RNASE8: variants seen among roughly 807,000 people sequenced by gnomAD.
RNASE8 encodes the protein ribonuclease A family member 8, also known as ribonuclease 8.
For missense variants in RNASE8, 179 were observed against 187.9 expected (o/e 0.95, Z 0.28); for synonymous variants, 68 against 74.1 (o/e 0.92, Z 0.42).
rs990618659 is a variant in RNASE8 at position 21,058,298 on chromosome 14, C to T, written c.406C>T (p.Pro136Ser). ...NTPYIVACDP[P>S]QQGDPGYPLV... ...ACCTTACATAGTGGCCTGTGACCCT[C>T]CACAACAGGGTGACCCAGGGTACCC... Residue 136 changes from proline (P) to serine (S), a missense_variant, in exon 1 of 1, where the codon CCA becomes TCA. Pro to Ser is a moderately conservative substitution (Grantham distance 74). Coordinates refer to ENST00000308227, the MANE Select transcript of RNASE8 (RefSeq NM_138331.2). The T allele has an allele frequency of 6.2e-7, 1 of 1,614,064 alleles. No homozygotes were observed.
Position 21,058,420 on chromosome 14 carries a change from C to T in RNASE8, c.*63C>T. 2 of 1,219,356 alleles carry T rather than the reference C, an allele frequency of 1.6e-6. No individual in the cohort carries two copies. The highest frequency in any genetic ancestry group is 1.2e-6 in the Non-Finnish European group (1 of 859,636). 75.5% of individuals were successfully genotyped at this position (1,219,356 alleles called of 1,614,324 possible). A position where few individuals can be genotyped will look rare whatever the true frequency, so the allele number is the denominator to read the frequency against. ...TGTATGCTGCTGCTTTTCCTCCCTC[C>T]AGTTCGTTATTAATCCTTGCTCCCC... On this transcript the variant is annotated 3_prime_UTR_variant, in exon 1 of 1. Coordinates refer to ENST00000308227, the MANE Select transcript of RNASE8 (RefSeq NM_138331.2).
Position 21,057,977 on chromosome 14 carries a change from C to A in RNASE8, c.85C>A (p.Pro29Thr), listed in dbSNP as rs1566506665. ...GGCAGAGGTCCTAGTCAGAGCCAAGCCCAAGGACATGACATCATCTCAGTG... is the reference window on the plus strand; with the variant it reads ...GGCAGAGGTCCTAGTCAGAGCCAAGACCAAGGACATGACATCATCTCAGTG... ...WVAEVLVRAK[P>T]KDMTSSQWFK... is the part of the protein sequence containing the mutation. The change falls in exon 1 of 1, where the codon CCC (proline) becomes ACC (threonine). Residue 29 changes from proline (P) to threonine (T), a missense_variant. Transcript: ENST00000308227. 6.2e-7 allele frequency: 1 copy of A among 1,614,048 alleles called. No homozygotes were observed. The highest frequency in any genetic ancestry group is 8.5e-7 in the Non-Finnish European group (1 of 1,180,008).
In RNASE8 at chr14:21,057,890, G is replaced by C. The variant is rs772638294; in HGVS notation, c.-3G>C. The C allele has an allele frequency of 9.9e-6, 16 of 1,613,190 alleles. No homozygotes were observed. Among genetic ancestry groups the C allele is most frequent in the African/African-American group, 2.7e-5 (2 of 74,972 alleles). On this transcript the variant is annotated 5_prime_UTR_variant, in exon 1 of 1. Coordinates refer to ENST00000308227, the MANE Select transcript of RNASE8 (RefSeq NM_138331.2). ...CTCTGTTCCACTGTCTCCCTTAAGA[G>C]AGATGGCACCGGCCAGAGCAGGATG...
Position 21,058,256 on chromosome 14 carries a change from G to A in RNASE8, c.364G>A (p.Glu122Lys), listed in dbSNP as rs140610133. The A allele has an allele frequency of 1.7e-4, 279 of 1,614,150 alleles. No individual in the cohort carries two copies. In the East Asian group the frequency reaches 3.0e-3, roughly 17 times the overall value. The change falls in exon 1 of 1, where the codon GAG becomes AAG. Residue 122 changes from glutamate to lysine, a missense_variant. Coordinates refer to ENST00000308227, the MANE Select transcript of RNASE8 (RefSeq NM_138331.2). ...GAAGTACCCAAACTGCAGGTACAAAGAGAAGCACCTGAACACACCTTACAT... is the reference window on the plus strand; with the variant it reads ...GAAGTACCCAAACTGCAGGTACAAAAAGAAGCACCTGAACACACCTTACAT... ...SGKYPNCRYKEKHLNTPYIVA... is the reference protein window; with the variant it reads ...SGKYPNCRYKKKHLNTPYIVA...
Position 21,058,174 on chromosome 14 carries a change from A to G in RNASE8, c.282A>G (p.Lys94=), listed in dbSNP as rs1885767989. The change falls in exon 1 of 1, where the codon AAA becomes AAG. Residue 94 remains lysine (K), a synonymous_variant. Coordinates refer to ENST00000308227, the MANE Select transcript of RNASE8 (RefSeq NM_138331.2). ...TPNIACKNSC[K]NCHQSHGPMS... is the part of the protein sequence containing the mutation. ...ACATAGCCTGCAAGAATAGCTGTAAAAACTGCCACCAGAGCCACGGGCCCA... is the reference window on the plus strand; with the variant it reads ...ACATAGCCTGCAAGAATAGCTGTAAGAACTGCCACCAGAGCCACGGGCCCA... 1 of 1,613,972 alleles carries G rather than the reference A, an allele frequency of 6.2e-7. No homozygotes were observed. The highest frequency in any genetic ancestry group is 1.1e-5 in the South Asian group (1 of 91,074).
At position 21,058,437 on chromosome 14, in the gene RNASE8, T is replaced by C; in HGVS notation, c.*80T>C. 9.6e-7 allele frequency: 1 copy of C among 1,038,658 alleles called. No individual in the cohort carries two copies. The highest frequency in any genetic ancestry group is 1.5e-5 in the South Asian group (1 of 64,572). 64.3% of individuals were successfully genotyped at this position (1,038,658 alleles called of 1,614,324 possible). On this transcript the variant is annotated 3_prime_UTR_variant, in exon 1 of 1. Coordinates refer to ENST00000308227, the MANE Select transcript of RNASE8 (RefSeq NM_138331.2). ...CCTCCCTCCAGTTCGTTATTAATCC[T>C]TGCTCCCCACTGCAAATGCCATTTC...
the RNASE8 span, chr14:21,057,981 AG>A: frequency 2.1e-5 from 34 of 1,613,966 alleles, no homozygotes; most frequent in East Asian, 7.4e-4. Context: ...GCCAAGCCCA[AG>A]GACATGACAT....
rs1329726505 is a variant in RNASE8, at chr14:21,057,998, C to G, written c.106C>G (p.Gln36Glu). The change falls in exon 1 of 1, where the codon CAG (glutamine) becomes GAG (glutamate). Residue 36 changes from glutamine (Q) to glutamate (E), a missense_variant. Gln to Glu is a conservative substitution (Grantham distance 29). Coordinates refer to ENST00000308227, the MANE Select transcript of RNASE8 (RefSeq NM_138331.2). ...CAAGCCCAAGGACATGACATCATCT[C>G]AGTGGTTTAAAACTCAGCATGTGCA... ...RAKPKDMTSS[Q>E]WFKTQHVQPS... 6.2e-7 allele frequency: 1 copy of G among 1,614,116 alleles called. No individual in the cohort carries two copies. The highest frequency in any genetic ancestry group is 1.1e-5 in the South Asian group (1 of 91,078).
In RNASE8 at chr14:21,057,936, T is replaced by G. The variant is rs1885752405; in HGVS notation, c.44T>G (p.Leu15Arg). 5.0e-6 allele frequency: 8 copies of G among 1,613,966 alleles called. No homozygotes were observed. The South Asian group carries it at 7.7e-5, about 16-fold the overall frequency. Residue 15 changes from leucine (L) to arginine (R), a missense_variant, in exon 1 of 1, where the codon CTT (leucine) becomes CGT (arginine). Transcript: ENST00000308227. The stretch of plus-strand genomic sequence containing the variant: ...GGATGCTGCCCCCTGCTGCTGCTGC[T>G]TCTGGGGCTGTGGGTGGCAGAGGTC... ...RAGCCPLLLLLLGLWVAEVLV... is the reference protein window; with the variant it reads ...RAGCCPLLLLRLGLWVAEVLV...
In RNASE8 at chr14:21,058,429, A is replaced by G. The variant is rs1479212827; in HGVS notation, c.*72A>G. On this transcript the variant is annotated 3_prime_UTR_variant, in exon 1 of 1. Transcript: ENST00000308227. Reference sequence around the variant, plus strand: ...CTGCTTTTCCTCCCTCCAGTTCGTTATTAATCCTTGCTCCCCACTGCAAAT... The same window carrying G: ...CTGCTTTTCCTCCCTCCAGTTCGTTGTTAATCCTTGCTCCCCACTGCAAAT... 2 of 1,131,858 alleles carry G rather than the reference A, an allele frequency of 1.8e-6. No homozygotes were observed. Among genetic ancestry groups the G allele is most frequent in the African/African-American group, 1.6e-5 (1 of 64,432 alleles). 70.1% of individuals were successfully genotyped at this position (1,131,858 alleles called of 1,614,324 possible). A position where few individuals can be genotyped will look rare whatever the true frequency, so the allele number is the denominator to read the frequency against.
In RNASE8 at chr14:21,058,052, A is replaced by C; in HGVS notation, c.160A>C (p.Met54Leu). The change falls in exon 1 of 1, where the codon ATG becomes CTG. Residue 54 changes from methionine (M) to leucine (L), a missense_variant. Coordinates refer to ENST00000308227, the MANE Select transcript of RNASE8 (RefSeq NM_138331.2). Reference protein sequence around the residue: ...QPSPQACNSAMSIINKYTERC... With the variant: ...QPSPQACNSALSIINKYTERC... ...CAGCCCTCAAGCATGCAACTCAGCC[A>C]TGAGCATCATCAATAAGTACACAGA... 1 of 1,614,178 alleles carries C rather than the reference A, an allele frequency of 6.2e-7. No individual in the cohort carries two copies. The highest frequency in any genetic ancestry group is 8.5e-7 in the Non-Finnish European group (1 of 1,180,044).
rs768172801 is a variant in RNASE8 at position 21,058,379 on chromosome 14, C to G, written c.*22C>G. 1 of 1,523,370 alleles carries G rather than the reference C, an allele frequency of 6.6e-7. No homozygotes were observed. Among genetic ancestry groups the G allele is most frequent in the Non-Finnish European group, 9.0e-7 (1 of 1,110,166 alleles). The allele number at this position is 1,523,370 out of a possible 1,614,324, so 94.4% of individuals were successfully genotyped here. A position where few individuals can be genotyped will look rare whatever the true frequency, so the allele number is the denominator to read the frequency against. On this transcript the variant is annotated 3_prime_UTR_variant, in exon 1 of 1. Coordinates refer to ENST00000308227, the MANE Select transcript of RNASE8 (RefSeq NM_138331.2). Reference sequence around the variant, plus strand: ...CTAAGCCCTGGTGCCCACGTTCCACCTCACACTCTGCAGACTGTATGCTGC... The same window carrying G: ...CTAAGCCCTGGTGCCCACGTTCCACGTCACACTCTGCAGACTGTATGCTGC...
At position 21,057,830 on chromosome 14, in the gene RNASE8, C is replaced by G. The variant is rs942850235; in HGVS notation, c.-63C>G. On this transcript the variant is annotated 5_prime_UTR_variant, in exon 1 of 1. Transcript: ENST00000308227. ...ATTCTTAGAAGGACTAACAAGACTC[C>G]CCCATGATGACCTATTCATCCACCT... The G allele has an allele frequency of 4.1e-5, 58 of 1,415,332 alleles. No individual in the cohort carries two copies. Among genetic ancestry groups the G allele is most frequent in the Non-Finnish European group, 5.6e-5 (57 of 1,022,160 alleles). The allele number at this position is 1,415,332 out of a possible 1,614,324, so 87.7% of individuals were successfully genotyped here. A position where few individuals can be genotyped will look rare whatever the true frequency, so the allele number is the denominator to read the frequency against.
Position 21,058,075 on chromosome 14 carries a change from A to T in RNASE8, c.183A>T (p.Thr61=). The T allele has an allele frequency of 6.2e-7, 1 of 1,614,168 alleles. No individual in the cohort carries two copies. Among genetic ancestry groups the T allele is most frequent in the Non-Finnish European group, 8.5e-7 (1 of 1,180,032 alleles). ...CCATGAGCATCATCAATAAGTACAC[A>T]GAACGGTGCAAAGACCTCAACACCT... ...NSAMSIINKY[T]ERCKDLNTFL... Residue 61 remains threonine, a synonymous_variant, in exon 1 of 1, where the codon ACA becomes ACT. Coordinates refer to ENST00000308227, the MANE Select transcript of RNASE8 (RefSeq NM_138331.2).
chr14:21,058,023 A>C lies in RNASE8; in HGVS notation c.131A>C (p.Gln44Pro). 1 of 1,614,184 alleles carries C rather than the reference A, an allele frequency of 6.2e-7. No individual in the cohort carries two copies. The change falls in exon 1 of 1, where the codon CAG becomes CCG. Residue 44 changes from glutamine to proline, a missense_variant. Physicochemically the swap from Gln to Pro is moderately conservative, Grantham distance 76. Transcript: ENST00000308227. ...CAGTGGTTTAAAACTCAGCATGTGC[A>C]GCCCAGCCCTCAAGCATGCAACTCA... ...SSQWFKTQHVQPSPQACNSAM... is the reference protein window; with the variant it reads ...SSQWFKTQHVPPSPQACNSAM...
Position 21,058,359 on chromosome 14 carries a change from C to A in RNASE8, c.*2C>A. On this transcript the variant is annotated 3_prime_UTR_variant, in exon 1 of 1. Transcript: ENST00000308227. ...GTGCACTTGGATAAAGTTGTCTAAG[C>A]CCTGGTGCCCACGTTCCACCTCACA... The A allele has an allele frequency of 6.3e-7, 1 of 1,593,108 alleles. No homozygotes were observed. The highest frequency in any genetic ancestry group is 8.6e-7 in the Non-Finnish European group (1 of 1,167,008).
rs764921657 is a variant in RNASE8, at chr14:21,057,889, A to C, written c.-4A>C. 2 of 1,612,934 alleles carry C rather than the reference A, an allele frequency of 1.2e-6. No individual in the cohort carries two copies. The highest frequency in any genetic ancestry group is 2.2e-5 in the South Asian group (2 of 90,994). ...ACTCTGTTCCACTGTCTCCCTTAAG[A>C]GAGATGGCACCGGCCAGAGCAGGAT... is the stretch of plus-strand genomic sequence containing the variant. On this transcript the variant is annotated 5_prime_UTR_variant, in exon 1 of 1. Coordinates refer to ENST00000308227, the MANE Select transcript of RNASE8 (RefSeq NM_138331.2).
At position 21,058,446 on chromosome 14, in the gene RNASE8, A is replaced by G. The variant is rs1469027345; in HGVS notation, c.*89A>G. 4 of 929,030 alleles carry G rather than the reference A, an allele frequency of 4.3e-6. No homozygotes were observed. In the Admixed American group the frequency reaches 7.6e-5, roughly 18 times the overall value. 57.5% of individuals were successfully genotyped at this position (929,030 alleles called of 1,614,324 possible). ...AGTTCGTTATTAATCCTTGCTCCCC[A>G]CTGCAAATGCCATTTCCCTCCCACA... On this transcript the variant is annotated 3_prime_UTR_variant, in exon 1 of 1. Coordinates refer to ENST00000308227, the MANE Select transcript of RNASE8 (RefSeq NM_138331.2).
chr14:21,058,082 T>A lies in RNASE8; in HGVS notation c.190T>A (p.Cys64Ser). The change falls in exon 1 of 1, where the codon TGC becomes AGC. Residue 64 changes from cysteine (C) to serine (S), a missense_variant. Cys to Ser is a moderately radical substitution (Grantham distance 112). Coordinates refer to ENST00000308227, the MANE Select transcript of RNASE8 (RefSeq NM_138331.2). ...CATCATCAATAAGTACACAGAACGG[T>A]GCAAAGACCTCAACACCTTCCTGCA... ...MSIINKYTER[C>S]KDLNTFLHEP... 1 of 1,614,096 alleles carries A rather than the reference T, an allele frequency of 6.2e-7. No homozygotes were observed. The highest frequency in any genetic ancestry group is 8.5e-7 in the Non-Finnish European group (1 of 1,180,022).
Sources: gnomAD v4.1 joint callset for allele counts on GRCh38, gnomAD v4.1.1 for gene constraint, MANE v1.5 for transcripts, NCBI Gene and HGNC (gene_info 2026-07-23, HGNC 2026-07-21) for gene names.